Variants in AUTS2 observed in about 807,000 individuals in gnomAD.
The protein encoded by AUTS2 is autism susceptibility gene 2 protein.
In AUTS2, 17 loss-of-function variants were observed where a neutral mutation model predicts 112.4. That is an observed-to-expected ratio of 0.15 (90% CI 0.10 to 0.23). The LOEUF is 0.23. Among genes scored for constraint, AUTS2 ranks in the 10% least tolerant of loss-of-function variants. The probability of loss-of-function intolerance (pLI) is 1.00; values close to 1 mark genes in which losing one functional copy is unlikely to be tolerated. For synonymous variants in AUTS2, 751 were observed against 702.7 expected, an observed-to-expected ratio of 1.07 and a Z score of -1.09; for missense variants, 1,510 against 1,701.6, an observed-to-expected ratio of 0.89 and a Z score of 1.98.
At chr7:70,374,330 G>A (rs1248453307) in intron 4 of AUTS2, among the ~76,000 whole-genome samples, 3 of 152,080 alleles carry the variant, frequency 2.0e-5, no homozygotes, top group East Asian at 3.9e-4. Flanking sequence ...TTGCCTTGTG[G>A]GGTTTCTTAA....
intron 5 of AUTS2, among the ~76,000 whole-genome samples, chr7:70,495,047 C>G (rs982845477): frequency 6.6e-6 from 1 of 151,958 alleles, no homozygotes; most frequent in African/African-American, 2.4e-5. Flanking sequence ...GCTATTACCC[C>G]TAAACATAAA....
At chr7:70,179,355 AT>A (rs1809177377) in intron 4 of AUTS2, among the ~76,000 whole-genome samples, 2 of 152,008 alleles carry the variant, frequency 1.3e-5, no homozygotes, top group Admixed American at 1.3e-4. Flanking sequence ...AGCAGGGGAG[AT>A]TTCTTCAAAA....
At chr7:70,159,472 C>T (rs1218049545) in intron 4 of AUTS2, among the ~76,000 whole-genome samples, 4 of 152,116 alleles carry the variant, frequency 2.6e-5, no homozygotes, top group Non-Finnish European at 5.9e-5. Flanking sequence ...ACATGGAACT[C>T]TTTAGGTCTG....
At chr7:70,745,510 C>T (rs1329168660) in intron 6 of AUTS2, among the ~76,000 whole-genome samples, 1 of 152,140 alleles carries the variant, frequency 6.6e-6, no homozygotes, top group African/African-American at 2.4e-5. Flanking sequence ...CATAACAATT[C>T]CCAGGGTAGC....
chr7:70,650,593 T>C (rs17141929), intron 5 of AUTS2, among the ~76,000 whole-genome samples: 28,999 of 152,226 alleles, frequency 0.19, 3,028 homozygotes, highest in South Asian at 0.3. Flanking sequence ...TTCCTGGAAT[T>C]ATTTTTACTT....
intron 4 of AUTS2, among the ~76,000 whole-genome samples, chr7:70,395,310 G>A (rs1794030468): frequency 6.6e-6 from 1 of 152,186 alleles, no homozygotes; most frequent in African/African-American, 2.4e-5. Context: ...AGGACAAGGT[G>A]AGAGGATCGC....
At chr7:70,728,320 G>A (rs969602255) in intron 6 of AUTS2, among the ~76,000 whole-genome samples, 2 of 152,144 alleles carry the variant, frequency 1.3e-5, no homozygotes, top group Non-Finnish European at 2.9e-5. Context: ...TAAAGTGCAG[G>A]ATTATCATGG....
At chr7:70,452,952 GT>G (rs1344980870) in intron 5 of AUTS2, among the ~76,000 whole-genome samples, 2 of 152,138 alleles carry the variant, frequency 1.3e-5, no homozygotes, top group Non-Finnish European at 2.9e-5. Context: ...ATGTTGTGTG[GT>G]GTGAGATTTT....
At chr7:70,346,226 C>A (rs10234844) in intron 4 of AUTS2, among the ~76,000 whole-genome samples, 50,215 of 152,044 alleles carry the variant, frequency 0.33, 9,410 homozygotes, top group African/African-American at 0.52. Flanking sequence ...ATACCTTTCC[C>A]ACCTTAAATC....
intron 1 of AUTS2, among the ~76,000 whole-genome samples, chr7:69,699,836 G>A (rs1797731136): frequency 6.6e-6 from 1 of 151,820 alleles, no homozygotes; most frequent in Admixed American, 6.6e-5. Flanking sequence ...GTAAAGACGG[G>A]GTTTCGCCAT....
intron 2 of AUTS2, among the ~76,000 whole-genome samples, chr7:70,101,706 A>G (rs998258288): frequency 6.6e-6 from 1 of 152,158 alleles, no homozygotes; most frequent in African/African-American, 2.4e-5. Context: ...AAAACAAAAA[A>G]CAAAAATTAA....
chr7:70,179,270 A>G (rs995660039), intron 4 of AUTS2, among the ~76,000 whole-genome samples: 7 of 152,198 alleles, frequency 4.6e-5, no homozygotes, highest in African/African-American at 1.7e-4. Context: ...AGTCCAGAGA[A>G]ATGTAAATCT....
chr7:69,877,558 C>A (rs190717980), intron 1 of AUTS2, among the ~76,000 whole-genome samples: 2 of 152,146 alleles, frequency 1.3e-5, no homozygotes, highest in Admixed American at 1.3e-4. Flanking sequence ...TGAATGACCC[C>A]GTCACCCAGG....
intron 4 of AUTS2, among the ~76,000 whole-genome samples, chr7:70,412,897 G>A (rs536795450): frequency 5.1e-4 from 78 of 152,250 alleles, no homozygotes; most frequent in Middle Eastern, 3.4e-3. Flanking sequence ...AGGCTGAGGC[G>A]GGAGAATCGC....
chr7:70,786,167 A>G, intron 17 of AUTS2, 129 bp downstream of exon 17: 1 of 756,648 alleles, frequency 1.3e-6, no homozygotes, highest in East Asian at 2.9e-5. Flanking sequence ...ATATCACTGC[A>G]AAAGCAGGCC....
intron 1 of AUTS2, among the ~76,000 whole-genome samples, chr7:69,704,409 C>G (rs965447149): frequency 5.3e-5 from 8 of 152,080 alleles, no homozygotes; most frequent in Non-Finnish European, 1.2e-4. Flanking sequence ...TCCCGAGTAG[C>G]TGGGATTACA....
chr7:70,146,132 C>G (rs1807110906), intron 4 of AUTS2, among the ~76,000 whole-genome samples: 1 of 152,072 alleles, frequency 6.6e-6, no homozygotes, highest in Non-Finnish European at 1.5e-5. Context: ...CTTCCTTGGA[C>G]AGGGGAGTGG....
At chr7:70,271,334 A>G (rs1347869961) in intron 4 of AUTS2, among the ~76,000 whole-genome samples, 1 of 152,224 alleles carries the variant, frequency 6.6e-6, no homozygotes, top group African/African-American at 2.4e-5. Flanking sequence ...ACCAATTATT[A>G]TTAATATATA....
intron 5 of AUTS2, among the ~76,000 whole-genome samples, chr7:70,692,984 G>A (rs1808835209): frequency 6.6e-6 from 1 of 152,174 alleles, no homozygotes; most frequent in South Asian, 2.1e-4. Flanking sequence ...ACTTAGAACT[G>A]AAGTTTTCCT....
Sources: gnomAD v4.1 joint callset for allele counts (sites outside exome capture counted in the v4.1 genomes callset) on GRCh38, gnomAD v4.1.1 for gene constraint, MANE v1.5 for transcripts, NCBI Gene and HGNC (gene_info 2026-07-23, HGNC 2026-07-21) for gene names.